The following MYOM1 variants were observed in gnomAD, a reference collection of about 807,000 sequenced individuals.
The protein encoded by MYOM1 is myomesin 1, also known as myomesin-1.
MYOM1 carries 164 observed loss-of-function variants against 205.3 expected under a neutral mutation model. The observed-to-expected ratio is 0.80, with a 90% CI of 0.70 to 0.91. The LOEUF (loss-of-function observed/expected upper bound fraction) is 0.91, where lower values mean the gene tolerates loss of function less well. Ranked by LOEUF, MYOM1 falls within the 40% of genes least tolerant of loss-of-function variation. The pLI is 0.00. For missense variants in MYOM1, 2,011 were observed against 2,127.3 expected, an observed-to-expected ratio of 0.95 and a Z score of 1.08; for synonymous variants, 772 against 789.4, an observed-to-expected ratio of 0.98 and a Z score of 0.37.
At chr18:3,086,495 C>T (rs2079155480) in intron 29 of MYOM1, among the ~76,000 whole-genome samples, 2 of 141,148 alleles carry the variant, frequency 1.4e-5, no homozygotes, top group South Asian at 4.3e-4. Context: ...AGAAAAATCC[C>T]ATCAGATTAA....
At chr18:3,234,550 AG>A in the MYOM1 span, among the ~76,000 whole-genome samples, 3 of 152,190 alleles carry the variant, frequency 2.0e-5, 1 homozygote, top group Non-Finnish European at 4.4e-5. Flanking sequence ...AAGAGATTCT[AG>A]GGACACCAGC....
chr18:3,174,092 T>C, intron 7 of MYOM1, 28 bp downstream of exon 7: 1 of 1,595,294 alleles, frequency 6.3e-7, no homozygotes, highest in Non-Finnish European at 8.6e-7. Context: ...CACACACACT[T>C]TGAAGAAAAC....
rs66492053 is a variant in MYOM1, at chr18:3,126,975, C to A, written c.2795-78G>T. ...TATATAAACATTTCCATGGGTGCCA[C>A]ATATGAGGGCACTAGATCTTGCAGT... On this transcript the variant is annotated intron_variant, in intron 18 of 37. Transcript: ENST00000356443. 25,001 of 1,286,836 alleles carry A rather than the reference C, an allele frequency of 0.019. 902 individuals carry two copies. The highest frequency in any genetic ancestry group is 0.13 in the African/African-American group (8,938 of 67,392). The allele number at this position is 1,286,836 out of a possible 1,614,324, so 79.7% of individuals were successfully genotyped here. A position where few individuals can be genotyped will look rare whatever the true frequency, so the allele number is the denominator to read the frequency against.
chr18:3,132,110 ATG>A (rs1231816972), intron 16 of MYOM1, among the ~76,000 whole-genome samples: 2 of 70,510 alleles, frequency 2.8e-5, no homozygotes, highest in Admixed American at 1.3e-4. Flanking sequence ...ATTATTATAT[ATG>A]TGTGTGTATA....
chr18:3,112,435 C>T (rs1211099336), intron 21 of MYOM1, 23 bp from the exon 22 acceptor site: 1 of 1,557,506 alleles, frequency 6.4e-7, no homozygotes, highest in East Asian at 2.3e-5. Context: ...GGTGTAGAAG[C>T]AATGGGTGTT....
intron 19 of MYOM1, 85 bp downstream of exon 19, chr18:3,126,616 A>G: frequency 8.2e-7 from 1 of 1,217,472 alleles, no homozygotes; most frequent in Admixed American, 2.6e-5. Flanking sequence ...ACTCTCTTAC[A>G]AGGTGCTGGG....
chr18:3,208,836 C>T (rs1294731424), intron 2 of MYOM1, among the ~76,000 whole-genome samples: 1 of 152,136 alleles, frequency 6.6e-6, no homozygotes, highest in East Asian at 1.9e-4. Flanking sequence ...CACTATTTTG[C>T]CCAGGCTGGT....
intron 36 of MYOM1, among the ~76,000 whole-genome samples, chr18:3,073,916 T>G (rs1234500401): frequency 6.6e-6 from 1 of 152,220 alleles, no homozygotes; most frequent in Non-Finnish European, 1.5e-5. Flanking sequence ...TGCCTCACCC[T>G]TCAATGTGTC....
intron 10 of MYOM1, among the ~76,000 whole-genome samples, chr18:3,156,385 T>A (rs1286988956): frequency 6.6e-6 from 1 of 152,226 alleles, no homozygotes; most frequent in African/African-American, 2.4e-5. Context: ...TCTGTCTACT[T>A]CTGCATTTAA....
intron 25 of MYOM1, among the ~76,000 whole-genome samples, chr18:3,096,064 C>T (rs2079298978): frequency 6.6e-6 from 1 of 152,180 alleles, no homozygotes; most frequent in South Asian, 2.1e-4. Context: ...TGTTCACTGT[C>T]CTCCCTGAGT....
Position 3,164,283 on chromosome 18 carries a change from A to G in MYOM1, c.1496T>C (p.Val499Ala), listed in dbSNP as rs1567944321. The change falls in exon 10 of 38, where the codon GTT becomes GCT. Residue 499 changes from valine (V) to alanine (A), a missense_variant. Coordinates refer to ENST00000356443, the MANE Select transcript of MYOM1 (RefSeq NM_003803.4). ...YYEQYSAYVF[V>A]RDADAEIEGA... ...TGTTTTTTGCTAGGACTTACCTCGAACAAAGACATAAGCACTATATTGTTC... is the reference window on the plus strand; with the variant it reads ...TGTTTTTTGCTAGGACTTACCTCGAGCAAAGACATAAGCACTATATTGTTC... 1 of 1,612,686 alleles carries G rather than the reference A, an allele frequency of 6.2e-7. No individual in the cohort carries two copies. Among genetic ancestry groups the G allele is most frequent in the Non-Finnish European group, 8.5e-7 (1 of 1,179,280 alleles).
intron 13 of MYOM1, among the ~76,000 whole-genome samples, chr18:3,144,477 A>G (rs1353815981): frequency 6.6e-6 from 1 of 152,222 alleles, no homozygotes; most frequent in Non-Finnish European, 1.5e-5. Context: ...AAATCCAACC[A>G]TATCAACGAT....
chr18:3,159,390 C>T (rs907249452), intron 10 of MYOM1, among the ~76,000 whole-genome samples: 12 of 152,148 alleles, frequency 7.9e-5, no homozygotes, highest in Non-Finnish European at 1.5e-4. Context: ...CCTGAAGTGA[C>T]CTCGTGCAGC....
Position 3,096,907 on chromosome 18 carries a change from C to T in MYOM1, c.3728-2601G>A, listed in dbSNP as rs533335903. Among the ~76,000 whole-genome samples the T allele has an allele frequency of 3.9e-5, 6 of 152,158 alleles. 1 individual carries two copies. The South Asian group carries it at 1.0e-3, about 26-fold the overall frequency. On this transcript the variant is annotated intron_variant, in intron 25 of 37. Coordinates refer to ENST00000356443, the MANE Select transcript of MYOM1 (RefSeq NM_003803.4). ...TCAATACTGGCAAGATAGACTAAGT[C>T]GATTTCTATTTTTAGCTTTGTGCAT...
chr18:3,116,249 T>G, intron 21 of MYOM1, 82 bp downstream of exon 21: 2 of 1,395,976 alleles, frequency 1.4e-6, no homozygotes, highest in Non-Finnish European at 2.0e-6. Flanking sequence ...AGCGGAGATA[T>G]TCTGTTTTAT....
At chr18:3,093,808 C>G (rs1466135260) in intron 26 of MYOM1, among the ~76,000 whole-genome samples, 1 of 152,120 alleles carries the variant, frequency 6.6e-6, no homozygotes, top group Non-Finnish European at 1.5e-5. Context: ...TATAATGAAT[C>G]AAGTCCGTGC....
chr18:3,199,783 C>T (rs9963515), intron 2 of MYOM1, among the ~76,000 whole-genome samples: 4,730 of 151,712 alleles, frequency 0.031, 204 homozygotes, highest in African/African-American at 0.1. Flanking sequence ...GAGGTTGCAG[C>T]GAGCTGAGAT....
the MYOM1 span, among the ~76,000 whole-genome samples, chr18:3,232,939 AT>A: frequency 6.6e-6 from 1 of 152,092 alleles, no homozygotes; most frequent in Non-Finnish European, 1.5e-5. Flanking sequence ...GTACAATCTG[AT>A]TTGGAGGTTT....
At chr18:3,238,378 G>C in the MYOM1 span, among the ~76,000 whole-genome samples, 1 of 152,080 alleles carries the variant, frequency 6.6e-6, no homozygotes, top group Non-Finnish European at 1.5e-5. Flanking sequence ...ACCTGGGGGA[G>C]GGGGGAGGCA....
Sources: allele counts gnomAD v4.1 joint callset (sites outside exome capture counted in the v4.1 genomes callset), GRCh38; gene constraint gnomAD v4.1.1; transcripts MANE v1.5; gene names NCBI Gene and HGNC (gene_info 2026-07-23, HGNC 2026-07-21).